Variants in THADA observed in about 807,000 individuals in gnomAD.
THADA encodes tRNA (32-2'-O)-methyltransferase regulator THADA.
Under a neutral mutation model 219.8 loss-of-function variants are expected in THADA, and 213 were observed. The ratio of observed to expected loss-of-function variants is 0.97; its 90% CI spans 0.87 to 1.09. The LOEUF (loss-of-function observed/expected upper bound fraction) is 1.09. Among genes scored for constraint, THADA ranks in the 50% least tolerant of loss-of-function variants. The pLI, the probability that THADA is intolerant of heterozygous loss-of-function variation, is 0.00. For missense variants in THADA, 2,956 were observed against 2,311.3 expected (o/e 1.28, Z -5.72); for synonymous variants, 1,018 against 828.9 (o/e 1.23, Z -3.92).
chr2:43,485,097 T>G lies in THADA; in HGVS notation c.3836+137A>C, dbSNP rs908157742. The G allele has an allele frequency of 1.3e-5, 8 of 613,936 alleles. No individual in the cohort carries two copies. In the African/African-American group the frequency reaches 1.5e-4, roughly 12 times the overall value. The allele number at this position is 613,936 out of a possible 1,614,324, so 38.0% of individuals were successfully genotyped here. ...AGGGTTTATAACTTGGCAGCATAGG[T>G]TAATTCATTACAGTATTTTTATAGT... On this transcript the variant is annotated intron_variant, in intron 26 of 37. Transcript: ENST00000405975.
chr2:43,336,084 G>A (rs370156937), intron 30 of THADA, among the ~76,000 whole-genome samples: 4 of 150,636 alleles, frequency 2.7e-5, no homozygotes, highest in Admixed American at 2.0e-4. Flanking sequence ...GTGACAGAGT[G>A]AGACTCCATC....
chr2:43,547,605 TTTCA>T (rs1696199382), intron 20 of THADA, among the ~76,000 whole-genome samples: 2 of 152,230 alleles, frequency 1.3e-5, no homozygotes, highest in Admixed American at 6.5e-5. Context: ...TCTCGCTTCA[TTTCA>T]TTCATTTCAT....
At chr2:43,528,104 A>ATG (rs991727493) in intron 21 of THADA, 116 bp from the exon 22 acceptor site, 5 of 544,472 alleles carry the variant, frequency 9.2e-6, no homozygotes, top group African/African-American at 2.0e-5. Flanking sequence ...AGCGCTTACC[A>ATG]TATGACAGAA....
chr2:43,592,301 A>AC lies in THADA; in HGVS notation c.76+15dup. On this transcript the variant is annotated intron_variant, in intron 2 of 37. Transcript: ENST00000405975. The stretch of plus-strand genomic sequence containing the variant: ...ACTAGAAAAAAATATAATAAGGGAA[A>AC]CCAGAAGTCACCTACATTTCAAAGT... 1 of 1,581,852 alleles carries AC rather than the reference A, an allele frequency of 6.3e-7. No homozygotes were observed. Among genetic ancestry groups the AC allele is most frequent in the Non-Finnish European group, 8.6e-7 (1 of 1,163,302 alleles).
chr2:43,406,182 G>A (rs774859079), intron 28 of THADA, among the ~76,000 whole-genome samples: 2 of 152,224 alleles, frequency 1.3e-5, no homozygotes, highest in Non-Finnish European at 2.9e-5. Flanking sequence ...CAGGTGCAAT[G>A]GCTATGGCTA....
intron 29 of THADA, among the ~76,000 whole-genome samples, chr2:43,397,571 G>A (rs746859013): frequency 6.6e-6 from 1 of 151,998 alleles, no homozygotes; most frequent in Non-Finnish European, 1.5e-5. Flanking sequence ...GATGTGTACA[G>A]CTCTTCCTGT....
chr2:43,590,063 A>G (rs557166852), intron 4 of THADA, among the ~76,000 whole-genome samples: 1 of 152,316 alleles, frequency 6.6e-6, no homozygotes, highest in Admixed American at 6.5e-5. Flanking sequence ...GAAGGTCTAG[A>G]AAGATAAATA....
At chr2:43,326,362 A>G (rs1401008557) in intron 30 of THADA, among the ~76,000 whole-genome samples, 1 of 152,176 alleles carries the variant, frequency 6.6e-6, no homozygotes, top group African/African-American at 2.4e-5. Flanking sequence ...ACCACAACAG[A>G]GGAAGTAGCA....
chr2:43,477,870 T>A (rs1031834272), intron 26 of THADA, among the ~76,000 whole-genome samples: 1 of 152,232 alleles, frequency 6.6e-6, no homozygotes, highest in African/African-American at 2.4e-5. Flanking sequence ...ATGTACAATG[T>A]GTGTTCCAAC....
chr2:43,435,849 T>C (rs1436551498), intron 26 of THADA, among the ~76,000 whole-genome samples: 1 of 151,568 alleles, frequency 6.6e-6, no homozygotes. Context: ...TTAACCTATT[T>C]TGAAAATTTG....
At chr2:43,379,978 G>A (rs972388188) in intron 29 of THADA, among the ~76,000 whole-genome samples, 1 of 152,210 alleles carries the variant, frequency 6.6e-6, no homozygotes, top group African/African-American at 2.4e-5. Flanking sequence ...ATTCTAGAAA[G>A]GGCAAAACCA....
At chr2:43,477,084 G>C (rs1685639004) in intron 26 of THADA, among the ~76,000 whole-genome samples, 1 of 152,080 alleles carries the variant, frequency 6.6e-6, no homozygotes, top group South Asian at 2.1e-4. Flanking sequence ...CCTTTCTGTT[G>C]CTGCCAAGAT....
intron 21 of THADA, among the ~76,000 whole-genome samples, chr2:43,535,657 G>C (rs1694476835): frequency 7.5e-6 from 1 of 134,220 alleles, no homozygotes; most frequent in African/African-American, 2.9e-5. Flanking sequence ...ACTCAAGCCT[G>C]GGCGACACAG....
At chr2:43,278,614 A>G (rs1672994265) in intron 36 of THADA, among the ~76,000 whole-genome samples, 1 of 152,212 alleles carries the variant, frequency 6.6e-6, no homozygotes, top group African/African-American at 2.4e-5. Context: ...TGCTGAGAGG[A>G]AAAGCTGATC....
In THADA at chr2:43,428,213, AT is replaced by A; in HGVS notation, c.3944del (p.Asn1315IlefsTer38). 6.2e-7 allele frequency: 1 copy of A among 1,601,262 alleles called. No homozygotes were observed. Among genetic ancestry groups the A allele is most frequent in the Non-Finnish European group, 8.5e-7 (1 of 1,172,776 alleles). ...GTAAGAGAAACATGCTTGGATGACGATTTGGTTCTCCCATATCACTGAAACA... is the reference window on the plus strand; with the variant it reads ...GTAAGAGAAACATGCTTGGATGACGATTGGTTCTCCCATATCACTGAAACA... Reference protein sequence around the residue: ...NTVDSDMGEPNRHPSMFLLLL... With the variant: ...NTVDSDMGEPXRHPSMFLLLL... On this transcript the variant is annotated frameshift_variant, in exon 28 of 38. Coordinates refer to ENST00000405975, the MANE Select transcript of THADA (RefSeq NM_022065.5). LOFTEE classifies it high-confidence loss of function.
intron 26 of THADA, among the ~76,000 whole-genome samples, chr2:43,451,086 T>G (rs1682256553): frequency 6.6e-6 from 1 of 152,212 alleles, no homozygotes; most frequent in Non-Finnish European, 1.5e-5. Context: ...TAAAAATGGT[T>G]AAGATGGTAA....
At chr2:43,297,437 G>C (rs1426076635) in intron 31 of THADA, among the ~76,000 whole-genome samples, 2 of 99,764 alleles carry the variant, frequency 2.0e-5, no homozygotes, top group African/African-American at 7.4e-5. Context: ...CACCCCGTCC[G>C]GGAGGGAGGT....
At chr2:43,377,111 C>A (rs975395880) in intron 29 of THADA, among the ~76,000 whole-genome samples, 10 of 152,164 alleles carry the variant, frequency 6.6e-5, no homozygotes, top group Admixed American at 1.3e-4. Flanking sequence ...GAGAAGGCGG[C>A]TGTGGGGAGT....
At chr2:43,446,704 G>A (rs1007640566) in intron 26 of THADA, among the ~76,000 whole-genome samples, 4 of 152,172 alleles carry the variant, frequency 2.6e-5, no homozygotes, top group African/African-American at 4.8e-5. Context: ...GCAGCAATAC[G>A]TAATTGAAAC....
Sources: allele counts gnomAD v4.1 joint callset (sites outside exome capture counted in the v4.1 genomes callset), GRCh38; gene constraint gnomAD v4.1.1; transcripts MANE v1.5; gene names NCBI Gene and HGNC (gene_info 2026-07-23, HGNC 2026-07-21).